The following DMD variants were observed in gnomAD, a reference collection of about 807,000 sequenced individuals.
The protein encoded by DMD is mutant dystrophin.
DMD carries 63 observed loss-of-function variants against 330.1 expected under a neutral mutation model. That is an observed-to-expected ratio of 0.19 (90% CI 0.16 to 0.24). DMD has a LOEUF of 0.24. DMD is among the 10% of genes least tolerant of loss of function. DMD has a pLI of 1.00. For synonymous variants in DMD, 1,223 were observed against 959.8 expected (o/e 1.27, Z -5.07); for missense variants, 3,344 against 2,684.1 (o/e 1.25, Z -5.43).
intron 55 of DMD, among the ~76,000 whole-genome samples, chrX:31,622,846 T>TTATA (rs757102035): frequency 0.018 from 1,301 of 74,068 alleles, 7 homozygotes; most frequent in African/African-American, 0.028. Context: ...CAGAAAAATT[T>TTATA]TATATATATA....
At chrX:32,661,518 T>C (rs529558903) in intron 9 of DMD, among the ~76,000 whole-genome samples, 1 of 111,566 alleles carries the variant, frequency 9.0e-6, no homozygotes, top group Non-Finnish European at 1.9e-5. Context: ...CCAGACTTTT[T>C]TGTAATAACT....
chrX:32,528,925 T>A (rs11798888), intron 17 of DMD, among the ~76,000 whole-genome samples: 991 of 79,610 alleles, frequency 0.012, 6 homozygotes, highest in Middle Eastern at 0.02. Context: ...TTTTTTTTTT[T>A]AATTTTATTT....
In DMD at chrX:31,462,957, G is replaced by T. The variant is rs182339572; in HGVS notation, c.8937+15149C>A. ...CTTTATACTGTGATTCTCAACTTAC[G>T]CTTTCATGTCCATAGGTGAATGTGC... is the stretch of plus-strand genomic sequence containing the variant. On this transcript the variant is annotated intron_variant, in intron 59 of 78. Transcript: ENST00000357033. Among the ~76,000 whole-genome samples the T allele has an allele frequency of 2.7e-5, 3 of 112,148 alleles. No individual in the cohort carries two copies. In the East Asian group the frequency reaches 8.4e-4, roughly 31 times the overall value.
intron 12 of DMD, among the ~76,000 whole-genome samples, chrX:32,599,722 C>T (rs1391444123): frequency 1.8e-5 from 2 of 111,194 alleles, no homozygotes; most frequent in Admixed American, 1.9e-4. Context: ...CCAGATTGTA[C>T]ATACACATAC....
chrX:32,225,569 G>A (rs147395470), intron 43 of DMD, among the ~76,000 whole-genome samples: 1,543 of 111,479 alleles, frequency 0.014, 25 homozygotes, highest in African/African-American at 0.047. Context: ...ATATTAAATT[G>A]TAATCCCCAA....
chrX:31,933,335 A>G (rs5927899), intron 45 of DMD, among the ~76,000 whole-genome samples: 49,583 of 110,243 alleles, frequency 0.45, 9,793 homozygotes, highest in African/African-American at 0.78. Flanking sequence ...ATGACTCACA[A>G]CCTTATTTGA....
chrX:33,130,787 G>A (rs1344325363), intron 1 of DMD, among the ~76,000 whole-genome samples: 1 of 110,960 alleles, frequency 9.0e-6, no homozygotes, highest in Non-Finnish European at 1.9e-5. Context: ...CCGACCTCAG[G>A]TGATCCGCCT....
intron 1 of DMD, among the ~76,000 whole-genome samples, chrX:33,099,053 T>C (rs1386002065): frequency 8.9e-6 from 1 of 112,350 alleles, no homozygotes; most frequent in Non-Finnish European, 1.9e-5. Context: ...GGCTAAATTG[T>C]GGGAACTAAG....
chrX:31,299,774 T>TA (rs35813284), intron 62 of DMD, among the ~76,000 whole-genome samples: 7,849 of 56,597 alleles, frequency 0.14, 612 homozygotes, highest in East Asian at 0.22. Context: ...GACTCCGTCT[T>TA]AAAAAAAAAA....
chrX:31,261,273 A>G (rs1226847166), intron 62 of DMD: 1 of 346,119 alleles, frequency 2.9e-6, no homozygotes, highest in Non-Finnish European at 5.1e-6. Context: ...TTGCACCCAC[A>G]AATCGATCGC....
chrX:32,342,080 G>T lies in DMD; in HGVS notation c.5922+20C>A. 1.7e-6 allele frequency: 2 copies of T among 1,201,378 alleles called. No homozygotes were observed. Among genetic ancestry groups the T allele is most frequent in the Admixed American group, 4.4e-5 (2 of 45,646 alleles). ...GTAGTAGTTGCAAACACATACGTGG[G>T]TTTGCCAGTAACAACTCACAATTTG... On this transcript the variant is annotated intron_variant, in intron 41 of 78. Coordinates refer to ENST00000357033, the MANE Select transcript of DMD (RefSeq NM_004006.3).
intron 33 of DMD, among the ~76,000 whole-genome samples, chrX:32,386,104 A>C (rs998745642): frequency 1.8e-5 from 2 of 110,364 alleles, no homozygotes; most frequent in African/African-American, 6.5e-5. Flanking sequence ...TTCCACATCG[A>C]AATATGTGTA....
chrX:31,458,514 CA>C (rs199537077), intron 59 of DMD, among the ~76,000 whole-genome samples: 2,875 of 53,317 alleles, frequency 0.054, 70 homozygotes, highest in African/African-American at 0.11. Flanking sequence ...ATGTGATTTC[CA>C]AAAAAAAAAA....
At chrX:31,412,201 A>G (rs1289244148) in intron 60 of DMD, among the ~76,000 whole-genome samples, 2 of 100,974 alleles carry the variant, frequency 2.0e-5, no homozygotes, top group Non-Finnish European at 3.9e-5. Context: ...AAAAAAAAAA[A>G]AAAAAAGAGA....
chrX:31,183,458 T>A (rs1355542999), intron 67 of DMD, among the ~76,000 whole-genome samples: 1 of 111,126 alleles, frequency 9.0e-6, no homozygotes, highest in Non-Finnish European at 1.9e-5. Context: ...GCAGAGCTGA[T>A]AATAGAATCC....
chrX:31,915,958 C>T (rs932593768), intron 47 of DMD, among the ~76,000 whole-genome samples: 1 of 111,703 alleles, frequency 9.0e-6, no homozygotes, highest in African/African-American at 3.3e-5. Context: ...TTTCCCTAAT[C>T]CCTGAATATG....
At chrX:31,293,997 T>C (rs1426523551) in intron 62 of DMD, among the ~76,000 whole-genome samples, 1 of 111,033 alleles carries the variant, frequency 9.0e-6, no homozygotes, top group Non-Finnish European at 1.9e-5. Flanking sequence ...CCTGCTGCCA[T>C]CTCTACGAAA....
chrX:33,235,925 T>C (rs183021198), intron 1 of DMD, among the ~76,000 whole-genome samples: 1 of 105,066 alleles, frequency 9.5e-6, no homozygotes, highest in Non-Finnish European at 1.9e-5. Flanking sequence ...TATTTTTTTT[T>C]TTTTTTATGA....
intron 1 of DMD, among the ~76,000 whole-genome samples, chrX:33,153,025 T>C (rs1331083514): frequency 8.9e-6 from 1 of 112,753 alleles, no homozygotes; most frequent in African/African-American, 3.2e-5. Flanking sequence ...CATTAACAAA[T>C]GTAGATGGTG....
Sources: allele counts gnomAD v4.1 joint callset (sites outside exome capture counted in the v4.1 genomes callset), GRCh38; gene constraint gnomAD v4.1.1; transcripts MANE v1.5; gene names NCBI Gene and HGNC (gene_info 2026-07-23, HGNC 2026-07-21).